AHCTF1: variants seen among roughly 807,000 people sequenced by gnomAD.
The protein encoded by AHCTF1 is AT-hook containing transcription factor 1.
Under a neutral mutation model 248.4 loss-of-function variants are expected in AHCTF1, and 24 were observed. That is an observed-to-expected ratio of 0.10 (90% confidence interval 0.07 to 0.14). The LOEUF is 0.14. Among genes scored for constraint, AHCTF1 ranks in the 10% least tolerant of loss-of-function variants. AHCTF1 has a pLI of 1.00. For synonymous variants in AHCTF1, 786 were observed against 929.8 expected, an observed-to-expected ratio of 0.85 and a Z score of 2.81; for missense variants, 2,206 against 2,636.2, an observed-to-expected ratio of 0.84 and a Z score of 3.57.
chr1:246,882,018 G>A (rs995157370), intron 21 of AHCTF1, among the ~76,000 whole-genome samples: 1 of 129,856 alleles, frequency 7.7e-6, no homozygotes, highest in African/African-American at 2.9e-5. Context: ...TTTTTTTTGA[G>A]ATGGAGTCTT....
chr1:246,851,403 C>G lies in AHCTF1; in HGVS notation c.4603G>C (p.Glu1535Gln), dbSNP rs1660710334. ...QEKLEAQDSG[E>Q]EARNLSFNEL... The stretch of plus-strand genomic sequence containing the variant: ...TTAAATGAAAGATTCCTAGCCTCTT[C>G]TCCTGAATCTTGAGCTTCAAGCTTT... Residue 1535 changes from glutamate (E) to glutamine (Q), a missense_variant, in exon 33 of 36, where the codon GAA becomes CAA. Physicochemically the swap from Glu to Gln is conservative, Grantham distance 29. This residue lies in a region of AHCTF1 where 955 missense variants were observed against 1,055.6 expected (regional missense o/e 0.90). Transcript: ENST00000648844. 1 of 1,612,162 alleles carries G rather than the reference C, an allele frequency of 6.2e-7. No individual in the cohort carries two copies. Among genetic ancestry groups the G allele is most frequent in the East Asian group, 2.2e-5 (1 of 44,852 alleles).
chr1:246,889,474 A>T (rs1478961905), intron 17 of AHCTF1, among the ~76,000 whole-genome samples: 1 of 152,230 alleles, frequency 6.6e-6, no homozygotes, highest in Admixed American at 6.5e-5. Context: ...TTAGGAAATA[A>T]CAGATCTAGA....
intron 24 of AHCTF1, among the ~76,000 whole-genome samples, chr1:246,872,001 C>T (rs995819953): frequency 7.1e-6 from 1 of 141,466 alleles, no homozygotes; most frequent in South Asian, 2.2e-4. Context: ...TAAAGCCAAA[C>T]GCAAAGGGTA....
intron 2 of AHCTF1, among the ~76,000 whole-genome samples, chr1:246,918,019 CAT>C (rs1169824346): frequency 6.6e-6 from 1 of 152,080 alleles, no homozygotes; most frequent in African/African-American, 2.4e-5. Flanking sequence ...ATACAAAACA[CAT>C]GAGATTTTTA....
At chr1:246,864,216 C>G (rs997833192) in intron 26 of AHCTF1, 100 bp from the exon 27 acceptor site, 9 of 1,170,122 alleles carry the variant, frequency 7.7e-6, no homozygotes, top group Non-Finnish European at 9.6e-6. Flanking sequence ...ACTATGATAG[C>G]CACATGCAAA....
In AHCTF1 at chr1:246,895,882, C is replaced by T. The variant is rs1367082308; in HGVS notation, c.1667G>A (p.Ser556Asn). The T allele has an allele frequency of 1.2e-6, 2 of 1,613,338 alleles. No homozygotes were observed. The highest frequency in any genetic ancestry group is 1.7e-6 in the Non-Finnish European group (2 of 1,179,650). The change falls in exon 13 of 36, where the codon AGT (serine) becomes AAT (asparagine). Residue 556 changes from serine to asparagine, a missense_variant. This residue lies in a region of AHCTF1 where 650 missense variants were observed against 870.8 expected (regional missense o/e 0.75). Coordinates refer to ENST00000648844, the MANE Select transcript of AHCTF1 (RefSeq NM_001323342.2). ...ATAACCAGTCAAAAGTCCCAGGGAACTAGTCTGAATTGCTGCTGACAATAT... is the reference window on the plus strand; with the variant it reads ...ATAACCAGTCAAAAGTCCCAGGGAATTAGTCTGAATTGCTGCTGACAATAT... ...EAILSAAIQT[S>N]SLGLLTGYIR...
Position 246,888,397 on chromosome 1 carries a change from C to A in AHCTF1, c.2265G>T (p.Leu755=). ...GGTGKYPPAS[L]HAVLDMYLLD... ...TAGCACATTACTGCAAACCTACATG[C>A]AGACTAGCAGGAGGATATTTTCCTG... Residue 755 remains leucine, a synonymous_variant, in exon 18 of 36, where the codon CTG becomes CTT. Coordinates refer to ENST00000648844, the MANE Select transcript of AHCTF1 (RefSeq NM_001323342.2). 1.2e-6 allele frequency: 2 copies of A among 1,612,790 alleles called. No homozygotes were observed. The highest frequency in any genetic ancestry group is 2.2e-5 in the South Asian group (2 of 91,016).
chr1:246,899,205 A>T (rs1664824900), intron 11 of AHCTF1, among the ~76,000 whole-genome samples: 1 of 151,722 alleles, frequency 6.6e-6, no homozygotes, highest in Non-Finnish European at 1.5e-5. Context: ...TTCTGAGGAG[A>T]CAGAAAGCTT....
At chr1:246,920,001 G>A (rs1666413830) in intron 1 of AHCTF1, among the ~76,000 whole-genome samples, 1 of 151,236 alleles carries the variant, frequency 6.6e-6, no homozygotes, top group African/African-American at 2.4e-5. Flanking sequence ...AAATTAGCCG[G>A]GCGTGGAGGC....
intron 1 of AHCTF1, among the ~76,000 whole-genome samples, chr1:246,925,904 T>G (rs934999588): frequency 6.6e-6 from 1 of 152,072 alleles, no homozygotes; most frequent in African/African-American, 2.4e-5. Flanking sequence ...ATCTCATCTC[T>G]ACGAAAAATA....
intron 29 of AHCTF1, among the ~76,000 whole-genome samples, chr1:246,860,179 G>C (rs1248171748): frequency 7.1e-5 from 3 of 42,172 alleles, no homozygotes; most frequent in African/African-American, 5.9e-4. Flanking sequence ...AGAACTGCTT[G>C]AACCTGGTTG....
chr1:246,881,849 CCAAAAAAAAAAA>C (rs1663444713), intron 21 of AHCTF1, among the ~76,000 whole-genome samples: 8 of 138,414 alleles, frequency 5.8e-5, no homozygotes, highest in South Asian at 2.4e-4. Flanking sequence ...AAAAAAAAAA[CCAAAAAAAAAAA>C]CAAAAAAAAA....
Position 246,907,827 on chromosome 1 carries a change from A to T in AHCTF1, c.557-69T>A, listed in dbSNP as rs1394127502. ...AGCATTAAAAGCAAATATGTCATCC[A>T]TTATTCAAGCTGCAAATGAAGTCAA... On this transcript the variant is annotated intron_variant, in intron 4 of 35. Transcript: ENST00000648844. The T allele has an allele frequency of 2.3e-6, 3 of 1,316,324 alleles. No homozygotes were observed. The Admixed American group carries it at 6.7e-5, about 29-fold the overall frequency. The allele number at this position is 1,316,324 out of a possible 1,614,324, so 81.5% of individuals were successfully genotyped here.
chr1:246,877,641 T>C (rs769782209), intron 21 of AHCTF1, among the ~76,000 whole-genome samples: 11 of 152,112 alleles, frequency 7.2e-5, no homozygotes, highest in Non-Finnish European at 1.5e-4. Flanking sequence ...TTTTAAGAAG[T>C]GACACTCAGT....
chr1:246,916,726 C>A (rs1666175659), intron 2 of AHCTF1, among the ~76,000 whole-genome samples: 1 of 152,122 alleles, frequency 6.6e-6, no homozygotes. Flanking sequence ...CTCATTTATT[C>A]CTTATCACAC....
chr1:246,931,239 C>A, intron 1 of AHCTF1: 1 of 1,550,064 alleles, frequency 6.5e-7, no homozygotes, highest in Non-Finnish European at 8.7e-7. Flanking sequence ...CGTGGGAGAA[C>A]AGTGGGAAAG....
chr1:246,884,797 T>C (rs1394692965), intron 21 of AHCTF1, among the ~76,000 whole-genome samples: 1 of 152,210 alleles, frequency 6.6e-6, no homozygotes, highest in Non-Finnish European at 1.5e-5. Flanking sequence ...GACACTTCCT[T>C]AAGATTTTCT....
rs149320039 is a variant in AHCTF1, at chr1:246,850,784, G to A, written c.5222C>T (p.Thr1741Met). 165 of 1,613,506 alleles carry A rather than the reference G, an allele frequency of 1.0e-4. No individual in the cohort carries two copies. Among genetic ancestry groups the A allele is most frequent in the African/African-American group, 1.9e-4 (14 of 74,768 alleles). ...VDDVVSSKTRTRGQRIQNVNV... is the reference protein window; with the variant it reads ...VDDVVSSKTRMRGQRIQNVNV... The stretch of plus-strand genomic sequence containing the variant: ...CACGTTTTGGATACGTTGACCTCTC[G>A]TACGAGTTTTGGAGGAAACCACGTC... The change falls in exon 33 of 36, where the codon ACG (threonine) becomes ATG (methionine). Residue 1741 changes from threonine (T) to methionine (M), a missense_variant. Thr to Met is a moderately conservative substitution (Grantham distance 81). Transcript: ENST00000648844.
intron 7 of AHCTF1, among the ~76,000 whole-genome samples, chr1:246,903,569 C>A (rs1487932676): frequency 2.0e-5 from 3 of 151,898 alleles, no homozygotes; most frequent in Non-Finnish European, 4.4e-5. Context: ...GTGGCTCACA[C>A]CTGTAATCCC....
Sources: allele counts gnomAD v4.1 joint callset (sites outside exome capture counted in the v4.1 genomes callset), GRCh38; gene constraint gnomAD v4.1.1; regional missense constraint gnomAD v4.1.1; transcripts MANE v1.5; gene names NCBI Gene and HGNC (gene_info 2026-07-23, HGNC 2026-07-21).